CAMTA1: variants seen among roughly 807,000 people sequenced by gnomAD.
CAMTA1 encodes the protein calmodulin-binding transcription activator 1.
Under a neutral mutation model 170.9 loss-of-function variants are expected in CAMTA1, and 27 were observed. That is an observed-to-expected ratio of 0.16 (90% CI 0.12 to 0.22). The LOEUF is 0.22. Among genes scored for constraint, CAMTA1 ranks in the 10% least tolerant of loss-of-function variants. CAMTA1 has a pLI of 1.00. For missense variants in CAMTA1, 1,619 were observed against 2,217.2 expected (o/e 0.73, Z 5.42); for synonymous variants, 833 against 891.5 (o/e 0.93, Z 1.17).
chr1:7,164,012 GT>G (rs1400160960), intron 4 of CAMTA1, among the ~76,000 whole-genome samples: 1 of 152,216 alleles, frequency 6.6e-6, no homozygotes, highest in Non-Finnish European at 1.5e-5. Context: ...GCTCAAAAAT[GT>G]TGGTTGAATG....
At chr1:7,638,306 C>T (rs553728304) in intron 6 of CAMTA1, among the ~76,000 whole-genome samples, 6 of 152,080 alleles carry the variant, frequency 3.9e-5, no homozygotes, top group South Asian at 2.1e-4. Flanking sequence ...TTCCCTGCAG[C>T]GTCTGATATC....
chr1:7,288,520 G>C (rs537488548), intron 5 of CAMTA1, among the ~76,000 whole-genome samples: 59 of 152,332 alleles, frequency 3.9e-4, no homozygotes, highest in African/African-American at 1.3e-3. Flanking sequence ...TCAATAGAGA[G>C]TTTGGGGTTG....
chr1:7,763,069 A>G (rs963505861), intron 22 of CAMTA1, among the ~76,000 whole-genome samples: 1 of 152,226 alleles, frequency 6.6e-6, no homozygotes, highest in Non-Finnish European at 1.5e-5. Context: ...CCTGGACTCA[A>G]TTCCCTGTTC....
intron 1 of CAMTA1, among the ~76,000 whole-genome samples, chr1:6,790,584 A>C (rs1043040828): frequency 1.3e-5 from 2 of 152,006 alleles, no homozygotes; most frequent in Non-Finnish European, 2.9e-5. Context: ...GTAGAAAAAT[A>C]TTTTTTTCTT....
At chr1:7,396,767 C>T (rs77701961) in intron 5 of CAMTA1, among the ~76,000 whole-genome samples, 2,171 of 152,138 alleles carry the variant, frequency 0.014, 59 homozygotes, top group African/African-American at 0.05. Context: ...TAGTTTTTGT[C>T]CTTGATTATG....
intron 6 of CAMTA1, among the ~76,000 whole-genome samples, chr1:7,542,392 C>T (rs1414025271): frequency 6.6e-6 from 1 of 151,940 alleles, no homozygotes; most frequent in Non-Finnish European, 1.5e-5. Context: ...AAAAGCATTT[C>T]CCCCGTCATT....
At chr1:7,083,036 G>A (rs1456352829) in intron 3 of CAMTA1, among the ~76,000 whole-genome samples, 2 of 152,214 alleles carry the variant, frequency 1.3e-5, no homozygotes, top group East Asian at 3.8e-4. Flanking sequence ...CCAATGAGTA[G>A]ATAAATGAAT....
At position 7,502,384 on chromosome 1, in the gene CAMTA1, C is replaced by G. The variant is rs562019569; in HGVS notation, c.510+34483C>G. 1.2e-3 allele frequency among the ~76,000 whole-genome samples: 184 copies of G among 152,288 alleles called. 1 individual carries two copies. The Middle Eastern group carries it at 0.034, about 28-fold the overall frequency. On this transcript the variant is annotated intron_variant, in intron 6 of 22. Transcript: ENST00000303635. ...TACAGCCTAGGCAGGATGTAGTACA[C>G]GAGTTCTCCAGAGGAAATGCATTCA...
At chr1:6,926,942 G>A (rs1316246417) in intron 3 of CAMTA1, among the ~76,000 whole-genome samples, 1 of 151,636 alleles carries the variant, frequency 6.6e-6, no homozygotes, top group Admixed American at 6.6e-5. Context: ...TGTTGCCCAG[G>A]CTGGTCTCAG....
At chr1:6,907,459 G>T (rs1297969735) in intron 3 of CAMTA1, among the ~76,000 whole-genome samples, 2 of 152,176 alleles carry the variant, frequency 1.3e-5, no homozygotes, top group African/African-American at 4.8e-5. Context: ...CTTGACTCAA[G>T]AACACTTCCC....
At chr1:7,316,546 A>C (rs1274311945) in intron 5 of CAMTA1, among the ~76,000 whole-genome samples, 1 of 152,210 alleles carries the variant, frequency 6.6e-6, no homozygotes, top group Non-Finnish European at 1.5e-5. Flanking sequence ...TGTTGCTTGT[A>C]CCATTCATAG....
In CAMTA1 at chr1:7,391,058, C is replaced by T. The variant is rs910569165; in HGVS notation, c.439-76772C>T. ...TGTTGCCCGGGCTGGAGTGCAGTGA[C>T]GCGATCTCGGCTCACCGCAACCCCC... On this transcript the variant is annotated intron_variant, in intron 5 of 22. Transcript: ENST00000303635. Among the ~76,000 whole-genome samples the T allele has an allele frequency of 1.5e-4, 23 of 151,876 alleles. 1 individual carries two copies. The highest frequency in any genetic ancestry group is 1.2e-3 in the Admixed American group (19 of 15,272).
At chr1:7,758,373 C>G (rs555917149) in intron 22 of CAMTA1, among the ~76,000 whole-genome samples, 2 of 152,280 alleles carry the variant, frequency 1.3e-5, no homozygotes, top group Admixed American at 6.5e-5. Flanking sequence ...TCATGACACC[C>G]CTTATGCCTC....
chr1:7,276,560 C>T (rs537630574), intron 5 of CAMTA1, among the ~76,000 whole-genome samples: 85 of 151,868 alleles, frequency 5.6e-4, no homozygotes, highest in African/African-American at 1.9e-3. Flanking sequence ...CCGCTTGCCT[C>T]GGCCTCCCAA....
intron 4 of CAMTA1, among the ~76,000 whole-genome samples, chr1:7,172,251 G>A (rs1649779037): frequency 6.6e-6 from 1 of 152,126 alleles, no homozygotes; most frequent in African/African-American, 2.4e-5. Context: ...CTGGGCTCAA[G>A]CGATTCTCCT....
intron 3 of CAMTA1, among the ~76,000 whole-genome samples, chr1:7,056,596 T>C (rs11120826): frequency 0.66 from 99,785 of 152,016 alleles, 32,964 homozygotes; most frequent in Non-Finnish European, 0.69. Flanking sequence ...GTCATGTCTT[T>C]GGTGCTGGGA....
At chr1:6,905,063 C>T (rs943078628) in intron 3 of CAMTA1, among the ~76,000 whole-genome samples, 4 of 152,062 alleles carry the variant, frequency 2.6e-5, no homozygotes, top group Non-Finnish European at 4.4e-5. Flanking sequence ...TCCCTGGAGT[C>T]ATGAATGAAG....
At chr1:6,940,168 G>T (rs538509481) in intron 3 of CAMTA1, among the ~76,000 whole-genome samples, 1 of 152,336 alleles carries the variant, frequency 6.6e-6, no homozygotes, top group Non-Finnish European at 1.5e-5. Context: ...ATATATGAAT[G>T]ATATTTATGT....
At chr1:6,958,278 C>T (rs544111473) in intron 3 of CAMTA1, among the ~76,000 whole-genome samples, 1 of 152,188 alleles carries the variant, frequency 6.6e-6, no homozygotes, top group Non-Finnish European at 1.5e-5. Flanking sequence ...AAACGAACAA[C>T]ACACAAACTC....
Sources: allele counts gnomAD v4.1 joint callset (sites outside exome capture counted in the v4.1 genomes callset), GRCh38; gene constraint gnomAD v4.1.1; transcripts MANE v1.5; gene names NCBI Gene and HGNC (gene_info 2026-07-23, HGNC 2026-07-21).